NLRP5: variants seen among roughly 807,000 people sequenced by gnomAD.
NLRP5 encodes the protein NLR family pyrin domain containing 5.
In NLRP5, 93 loss-of-function variants were observed where a neutral mutation model predicts 113.1. The ratio of observed to expected loss-of-function variants is 0.82; its 90% CI spans 0.70 to 0.98. The LOEUF (loss-of-function observed/expected upper bound fraction) is 0.98. Among genes scored for constraint, NLRP5 ranks in the 50% least tolerant of loss-of-function variants. The pLI, the probability that NLRP5 is intolerant of heterozygous loss-of-function variation, is 0.00. For missense variants in NLRP5, 1,808 were observed against 1,514.3 expected (o/e 1.19, Z -3.22); for synonymous variants, 751 against 600.7 (o/e 1.25, Z -3.66).
chr19:56,037,441 A>G (rs1983357773), intron 9 of NLRP5, among the ~76,000 whole-genome samples: 1 of 152,108 alleles, frequency 6.6e-6, no homozygotes, highest in Non-Finnish European at 1.5e-5. Flanking sequence ...CATGCCTGTA[A>G]TCCAGTGCTT....
At chr19:56,056,602 A>T (rs538909783) in intron 13 of NLRP5, among the ~76,000 whole-genome samples, 5 of 152,262 alleles carry the variant, frequency 3.3e-5, no homozygotes, top group Middle Eastern at 3.4e-3. Flanking sequence ...ACCCATGTTA[A>T]TCAGAGGTTA....
chr19:56,008,874 G>T (rs1422444648), intron 3 of NLRP5, 21 bp downstream of exon 3: 2 of 1,606,868 alleles, frequency 1.2e-6, no homozygotes, highest in Non-Finnish European at 1.7e-6. Context: ...TGGAGTTGGG[G>T]GAAATAGGAT....
Position 56,044,201 on chromosome 19 carries a change from T to C in NLRP5, c.2957+3109T>C, listed in dbSNP as rs1014435431. 3.3e-5 allele frequency among the ~76,000 whole-genome samples: 5 copies of C among 152,058 alleles called. No homozygotes were observed. In the East Asian group the frequency reaches 7.8e-4, roughly 24 times the overall value. On this transcript the variant is annotated intron_variant, in intron 11 of 14. Coordinates refer to ENST00000390649, the MANE Select transcript of NLRP5 (RefSeq NM_153447.4). ...GCCTCAGCCTCCCCAGTAGCTGAGA[T>C]TACAGGCACCCGCCACCATGCCCAG...
upstream of NLRP5, among the ~76,000 whole-genome samples, chr19:55,997,689 A>G (rs1981369929): frequency 1.3e-5 from 2 of 151,522 alleles, no homozygotes; most frequent in Non-Finnish European, 1.5e-5. Context: ...AAAATACCAA[A>G]AATTCTGGTT....
At chr19:56,005,251 ATATTT>A (rs2123269744) in intron 2 of NLRP5, among the ~76,000 whole-genome samples, 1 of 126,764 alleles carries the variant, frequency 7.9e-6, no homozygotes, top group South Asian at 2.4e-4. Flanking sequence ...ACACACATAT[ATATTT>A]ATATATACAC....
chr19:56,061,352 C>T lies in NLRP5; in HGVS notation c.3471-44C>T, dbSNP rs10403706. 6.1e-3 allele frequency: 9,660 copies of T among 1,596,496 alleles called. 344 individuals carry two copies. The African/African-American group carries it at 0.082, about 14-fold the overall frequency. On this transcript the variant is annotated intron_variant, in intron 14 of 14. Coordinates refer to ENST00000390649, the MANE Select transcript of NLRP5 (RefSeq NM_153447.4). ...GGAATTTTGAAGAAGGGAGAAGAGT[C>T]GAAAGCAACATCTCAGTAACGAGTC... is the stretch of plus-strand genomic sequence containing the variant.
At chr19:56,050,285 A>C in intron 11 of NLRP5, 133 bp from the exon 12 acceptor site, 1 of 780,296 alleles carries the variant, frequency 1.3e-6, no homozygotes, top group Admixed American at 3.2e-5. Flanking sequence ...TCAAAAAAAA[A>C]AAAGAAAAAA....
At chr19:56,014,527 C>A (rs577702192) in intron 3 of NLRP5, among the ~76,000 whole-genome samples, 1 of 151,424 alleles carries the variant, frequency 6.6e-6, no homozygotes, top group African/African-American at 2.4e-5. Context: ...AGGTTTACAC[C>A]AATATTTCCT....
intron 6 of NLRP5, among the ~76,000 whole-genome samples, chr19:56,025,377 CG>C (rs1297616318): frequency 1.5e-5 from 2 of 137,770 alleles, no homozygotes; most frequent in East Asian, 3.9e-4. Flanking sequence ...CCTCAAGGAA[CG>C]TGCTCCGTTC....
chr19:56,033,736 T>C, intron 9 of NLRP5, 27 bp downstream of exon 9: 3 of 1,567,498 alleles, frequency 1.9e-6, no homozygotes, highest in Non-Finnish European at 2.6e-6. Flanking sequence ...GCTTTTGCCT[T>C]GTTTTTCTTC....
intron 14 of NLRP5, among the ~76,000 whole-genome samples, chr19:56,059,112 C>T (rs772679847): frequency 1.1e-4 from 16 of 152,162 alleles, no homozygotes; most frequent in African/African-American, 1.7e-4. Context: ...AGAATTCTGG[C>T]GATAGATGGT....
At chr19:55,992,165 C>T in the NLRP5 span, among the ~76,000 whole-genome samples, 2 of 152,168 alleles carry the variant, frequency 1.3e-5, no homozygotes. Context: ...TGATGGCCCC[C>T]AGTTCCATCC....
At chr19:55,996,922 C>T (rs1981343737), upstream of NLRP5, among the ~76,000 whole-genome samples, 2 of 152,182 alleles carry the variant, frequency 1.3e-5, no homozygotes, top group South Asian at 4.1e-4. Flanking sequence ...CTGACTTCCA[C>T]AATGGTTGAA....
Position 56,053,685 on chromosome 19 carries a change from G to A in NLRP5, c.3176G>A (p.Cys1059Tyr), listed in dbSNP as rs769974825. ...GCCGCGTGCTGTGAGAGTCTGTCCT[G>A]TGTGATCTCGAGGAGCAGACACCTG... is the stretch of plus-strand genomic sequence containing the variant. Residue 1059 changes from cysteine (C) to tyrosine (Y), a missense_variant, in exon 13 of 15, where the codon TGT becomes TAT. Physicochemically the swap from Cys to Tyr is radical, Grantham distance 194. Transcript: ENST00000390649. 2 of 1,613,948 alleles carry A rather than the reference G, an allele frequency of 1.2e-6. No homozygotes were observed. The highest frequency in any genetic ancestry group is 2.2e-5 in the South Asian group (2 of 91,074).
chr19:56,006,537 G>A (rs2123272960), intron 2 of NLRP5, among the ~76,000 whole-genome samples: 1 of 151,998 alleles, frequency 6.6e-6, no homozygotes, highest in African/African-American at 2.4e-5. Context: ...TTTGAGACCA[G>A]CCTGGCCAAC....
At chr19:56,039,101 G>C (rs977443216) in intron 10 of NLRP5, among the ~76,000 whole-genome samples, 2 of 151,926 alleles carry the variant, frequency 1.3e-5, no homozygotes, top group East Asian at 1.9e-4. Flanking sequence ...ACCCTTCCTC[G>C]CTGAGTTCTC....
At chr19:56,052,957 T>C (rs1239654612) in intron 12 of NLRP5, among the ~76,000 whole-genome samples, 4 of 152,190 alleles carry the variant, frequency 2.6e-5, no homozygotes, top group Non-Finnish European at 5.9e-5. Flanking sequence ...TTTAGCCAGG[T>C]GTGGTGGCAC....
intron 6 of NLRP5, 40 bp from the exon 7 acceptor site, chr19:56,026,873 G>C (rs1410562172): frequency 5.9e-6 from 9 of 1,529,198 alleles, no homozygotes; most frequent in Non-Finnish European, 7.1e-6. Context: ...ACTGTGCCTG[G>C]TCTGTTTCCT....
chr19:56,019,205 T>C, intron 4 of NLRP5, 137 bp from the exon 5 acceptor site: 1 of 937,424 alleles, frequency 1.1e-6, no homozygotes, highest in East Asian at 2.6e-5. Flanking sequence ...CTCTGTCTTC[T>C]AGCTGAGACA....
Sources: gnomAD v4.1 joint callset for allele counts (sites outside exome capture counted in the v4.1 genomes callset) on GRCh38, gnomAD v4.1.1 for gene constraint, MANE v1.5 for transcripts, NCBI Gene and HGNC (gene_info 2026-07-23, HGNC 2026-07-21) for gene names.